The following CASP9 variants were observed in gnomAD, a reference collection of about 807,000 sequenced individuals.
The protein encoded by CASP9 is caspase-9.
Under a neutral mutation model 43.5 loss-of-function variants are expected in CASP9, and 29 were observed. The ratio of observed to expected loss-of-function variants is 0.67; its 90% CI spans 0.50 to 0.91. The LOEUF is 0.91. CASP9 is among the 40% of genes least tolerant of loss of function. The probability of loss-of-function intolerance (pLI) is 0.00; values close to 1 mark genes in which losing one functional copy is unlikely to be tolerated. For synonymous variants in CASP9, 206 were observed against 211.9 expected, an observed-to-expected ratio of 0.97 and a Z score of 0.24; for missense variants, 575 against 537.4, an observed-to-expected ratio of 1.07 and a Z score of -0.69.
intron 1 of CASP9, among the ~76,000 whole-genome samples, chr1:15,519,095 C>A (rs1229340441): frequency 6.6e-6 from 1 of 151,602 alleles, no homozygotes; most frequent in Non-Finnish European, 1.5e-5. Flanking sequence ...CCAGGCTGGT[C>A]TTGAACTGAC....
chr1:15,503,152 C>T (rs978442002), intron 6 of CASP9, among the ~76,000 whole-genome samples: 3 of 151,990 alleles, frequency 2.0e-5, no homozygotes, highest in Admixed American at 6.6e-5. Flanking sequence ...TTTGGGAGGC[C>T]GAAGTGAGCA....
Position 15,511,017 on chromosome 1 carries a change from C to G in CASP9, c.419-3110G>C, listed in dbSNP as rs116886886. On this transcript the variant is annotated intron_variant, in intron 2 of 8. Transcript: ENST00000333868. The stretch of plus-strand genomic sequence containing the variant: ...AGTTCCCACAAGGGAGTGCCCCAAA[C>G]TGTCCTAAGATGGGGCCAGTTGGGA... Among the ~76,000 whole-genome samples, 133 of 152,294 alleles carry G rather than the reference C, an allele frequency of 8.7e-4. 2 individuals are homozygous for G. In the East Asian group the frequency reaches 0.023, roughly 26 times the overall value.
intron 5 of CASP9, among the ~76,000 whole-genome samples, 197 bp from the exon 6 acceptor site, chr1:15,504,955 G>A (rs1415958064): frequency 6.6e-6 from 1 of 152,258 alleles, no homozygotes; most frequent in Non-Finnish European, 1.5e-5. Context: ...GGGGTTGCAT[G>A]TCAAACTCAT....
chr1:15,508,085 C>A (rs1709593546), intron 2 of CASP9, among the ~76,000 whole-genome samples, 178 bp from the exon 3 acceptor site: 1 of 152,222 alleles, frequency 6.6e-6, no homozygotes, highest in Non-Finnish European at 1.5e-5. Context: ...GTTAAACACA[C>A]ACCTACCCTC....
intron 2 of CASP9, among the ~76,000 whole-genome samples, chr1:15,516,032 T>C (rs1343612104): frequency 6.6e-6 from 1 of 151,872 alleles, no homozygotes; most frequent in Non-Finnish European, 1.5e-5. Context: ...TGAAACCCCA[T>C]CTCTACTAAA....
chr1:15,518,289 G>A lies in CASP9; in HGVS notation c.239C>T (p.Thr80Ile), dbSNP rs781101713. The change falls in exon 2 of 9, where the codon ACA (threonine) becomes ATA (isoleucine). Residue 80 changes from threonine (T) to isoleucine (I), a missense_variant. By Grantham distance (89) the Thr-to-Ile change is moderately conservative. Coordinates refer to ENST00000333868, the MANE Select transcript of CASP9 (RefSeq NM_001229.5). ...AAACGAAGCCAGCATGTCCTGGCCTGTGTCCTCTAAGCAGGAGATGAACAA... is the reference window on the plus strand; with the variant it reads ...AAACGAAGCCAGCATGTCCTGGCCTATGTCCTCTAAGCAGGAGATGAACAA... ...LPLFISCLEDTGQDMLASFLR... is the reference protein window; with the variant it reads ...LPLFISCLEDIGQDMLASFLR... 2.5e-6 allele frequency: 4 copies of A among 1,614,218 alleles called. No individual in the cohort carries two copies. The highest frequency in any genetic ancestry group is 1.6e-4 in the Middle Eastern group (1 of 6,062).
At chr1:15,519,631 G>C (rs949591867) in intron 1 of CASP9, among the ~76,000 whole-genome samples, 1 of 152,136 alleles carries the variant, frequency 6.6e-6, no homozygotes, top group African/African-American at 2.4e-5. Context: ...GAAGTGAAAG[G>C]ACAAAGCAGA....
intron 2 of CASP9, among the ~76,000 whole-genome samples, chr1:15,512,171 C>G (rs1279820050): frequency 6.6e-6 from 1 of 152,236 alleles, no homozygotes; most frequent in East Asian, 1.9e-4. Flanking sequence ...AAGCCAACTT[C>G]TACTTTCAAG....
chr1:15,500,071 G>A (rs1029314416), intron 6 of CASP9, among the ~76,000 whole-genome samples: 1 of 151,998 alleles, frequency 6.6e-6, no homozygotes, highest in Non-Finnish European at 1.5e-5. Flanking sequence ...GGGGTAAGGC[G>A]GAGCACAGAG....
chr1:15,499,754 C>T (rs1709249378), intron 6 of CASP9, among the ~76,000 whole-genome samples: 1 of 152,174 alleles, frequency 6.6e-6, no homozygotes, highest in Admixed American at 6.5e-5. Context: ...TGGGGAACTG[C>T]TTAAGGGATA....
chr1:15,516,407 G>A lies in CASP9; in HGVS notation c.418+1703C>T, dbSNP rs1365598635. 2.6e-5 allele frequency among the ~76,000 whole-genome samples: 4 copies of A among 151,712 alleles called. No homozygotes were observed. In the East Asian group the frequency reaches 7.7e-4, roughly 29 times the overall value. ...TGAGTGGGAGGATCGCTTGAGCCTG[G>A]GAGTTCAAGGATGCAGTGAGCCGTG... On this transcript the variant is annotated intron_variant, in intron 2 of 8. Coordinates refer to ENST00000333868, the MANE Select transcript of CASP9 (RefSeq NM_001229.5).
At chr1:15,523,338 A>C (rs1198115129) in intron 1 of CASP9, among the ~76,000 whole-genome samples, 1 of 152,244 alleles carries the variant, frequency 6.6e-6, no homozygotes, top group Admixed American at 6.5e-5. Context: ...CCCATTTCAC[A>C]GCCCAGAAAC....
intron 5 of CASP9, 144 bp from the exon 6 acceptor site, chr1:15,504,902 GGAAA>G (rs1480863203): frequency 1.4e-6 from 1 of 726,644 alleles, no homozygotes; most frequent in African/African-American, 1.8e-5. Flanking sequence ...GGTTGGTTCT[GGAAA>G]GACCCTGGTC....
rs1469969460 is a variant in CASP9 at position 15,521,679 on chromosome 1, C to T, written c.132+2390G>A. 2.6e-5 allele frequency among the ~76,000 whole-genome samples: 4 copies of T among 152,158 alleles called. No individual in the cohort carries two copies. In the East Asian group the frequency reaches 7.7e-4, roughly 29 times the overall value. On this transcript the variant is annotated intron_variant, in intron 1 of 8. Coordinates refer to ENST00000333868, the MANE Select transcript of CASP9 (RefSeq NM_001229.5). ...GAAGATTCACCCTCCTTACCCTGTC[C>T]CCTTGCCTTATATCCAATAACAGCG... is the stretch of plus-strand genomic sequence containing the variant.
intron 2 of CASP9, among the ~76,000 whole-genome samples, chr1:15,514,113 ATTC>A (rs1709866930): frequency 6.6e-6 from 1 of 152,124 alleles, no homozygotes; most frequent in East Asian, 1.9e-4. Flanking sequence ...TTTGGGCCAG[ATTC>A]TTCTTTATTG....
intron 2 of CASP9, among the ~76,000 whole-genome samples, chr1:15,514,761 T>G (rs1215397533): frequency 1.3e-5 from 2 of 152,144 alleles, no homozygotes; most frequent in African/African-American, 4.8e-5. Context: ...ATCCCAGCAC[T>G]TTGGGAGGCT....
intron 2 of CASP9, among the ~76,000 whole-genome samples, chr1:15,509,178 C>G (rs1260599526): frequency 6.6e-6 from 1 of 152,208 alleles, no homozygotes; most frequent in Admixed American, 6.5e-5. Flanking sequence ...CAGAGCTCTT[C>G]TCTTTCTTTC....
At chr1:15,511,678 A>G (rs1171908919) in intron 2 of CASP9, among the ~76,000 whole-genome samples, 2 of 152,212 alleles carry the variant, frequency 1.3e-5, no homozygotes, top group African/African-American at 2.4e-5. Flanking sequence ...TGCTGGGATC[A>G]CAGGCGTGAG....
intron 2 of CASP9, 76 bp from the exon 3 acceptor site, chr1:15,507,983 G>A: frequency 2.0e-6 from 3 of 1,484,524 alleles, no homozygotes; most frequent in Middle Eastern, 1.7e-4. Flanking sequence ...TGTGAGGACA[G>A]CCCCCCAAGA....
Sources: gnomAD v4.1 joint callset for allele counts (sites outside exome capture counted in the v4.1 genomes callset) on GRCh38, gnomAD v4.1.1 for gene constraint, MANE v1.5 for transcripts, NCBI Gene and HGNC (gene_info 2026-07-23, HGNC 2026-07-21) for gene names.